The following POLQ variants were observed in gnomAD, a reference collection of about 807,000 sequenced individuals.
POLQ encodes the protein DNA polymerase theta.
In POLQ, 233 loss-of-function variants were observed where a neutral mutation model predicts 259.2. The observed-to-expected ratio is 0.90, with a 90% CI of 0.81 to 1.00. The LOEUF is 1.00. Ranked by LOEUF, POLQ falls within the 50% of genes least tolerant of loss-of-function variation. The probability of loss-of-function intolerance (pLI) is 0.00; values close to 1 mark genes in which losing one functional copy is unlikely to be tolerated. For missense variants in POLQ, 2,871 were observed against 3,051.6 expected (o/e 0.94, Z 1.39); for synonymous variants, 1,025 against 1,048.8 (o/e 0.98, Z 0.44).
chr3:121,516,080 G>A (rs2048292230), intron 9 of POLQ, among the ~76,000 whole-genome samples: 1 of 151,846 alleles, frequency 6.6e-6, no homozygotes, highest in Non-Finnish European at 1.5e-5. Context: ...AAGCAGAAGA[G>A]AGAGAGATTA....
intron 19 of POLQ, among the ~76,000 whole-genome samples, chr3:121,478,727 C>T (rs2047947004): frequency 6.6e-6 from 1 of 151,858 alleles, no homozygotes; most frequent in African/African-American, 2.4e-5. Flanking sequence ...CTGATGTTGC[C>T]ATATTCATAT....
intron 20 of POLQ, 39 bp from the exon 21 acceptor site, chr3:121,473,526 T>G (rs760642773): frequency 6.5e-7 from 1 of 1,539,810 alleles, no homozygotes; most frequent in South Asian, 1.2e-5. Flanking sequence ...AGAATGAAAC[T>G]TGCAAGGATT....
chr3:121,456,592 GACAA>G (rs1420752949), intron 25 of POLQ, among the ~76,000 whole-genome samples: 5 of 151,750 alleles, frequency 3.3e-5, no homozygotes, highest in African/African-American at 9.7e-5. Context: ...ACCAATAACA[GACAA>G]ACAGAGAGCC....
chr3:121,449,666 G>A (rs1432860608), intron 25 of POLQ, among the ~76,000 whole-genome samples: 1 of 152,172 alleles, frequency 6.6e-6, no homozygotes, highest in East Asian at 1.9e-4. Flanking sequence ...GAATAGGTAT[G>A]TGTGATCTAA....
chr3:121,539,644 A>G, intron 3 of POLQ, 55 bp from the exon 4 acceptor site: 1 of 1,349,218 alleles, frequency 7.4e-7, no homozygotes, highest in African/African-American at 1.4e-5. Context: ...TTCAAGAGTT[A>G]TAAACTGGTT....
intron 9 of POLQ, among the ~76,000 whole-genome samples, chr3:121,514,415 A>G (rs1196576655): frequency 6.6e-6 from 1 of 151,912 alleles, no homozygotes; most frequent in Non-Finnish European, 1.5e-5. Flanking sequence ...ACTTATGCAT[A>G]GACCACAAAA....
chr3:121,524,283 T>C (rs2048357736), intron 7 of POLQ, among the ~76,000 whole-genome samples: 1 of 152,188 alleles, frequency 6.6e-6, no homozygotes, highest in Admixed American at 6.5e-5. Context: ...GCCTAGCCAA[T>C]ATAAACTTCA....
intron 25 of POLQ, among the ~76,000 whole-genome samples, chr3:121,456,166 T>C (rs1271222742): frequency 6.6e-6 from 1 of 152,178 alleles, no homozygotes; most frequent in Non-Finnish European, 1.5e-5. Flanking sequence ...GTAAAGGCCT[T>C]TGGCAAAATT....
chr3:121,538,585 C>CAA (rs34448538), intron 4 of POLQ, among the ~76,000 whole-genome samples: 8 of 97,034 alleles, frequency 8.2e-5, no homozygotes, highest in Admixed American at 2.2e-4. Context: ...ATTCATTCAC[C>CAA]AAAAAAAAAA....
intron 14 of POLQ, among the ~76,000 whole-genome samples, 153 bp downstream of exon 14, chr3:121,496,655 T>C (rs567728325): frequency 6.6e-6 from 1 of 152,326 alleles, no homozygotes; most frequent in East Asian, 1.9e-4. Flanking sequence ...TGAGGAGCCA[T>C]AGTTTTGAAT....
chr3:121,465,725 G>A (rs2047829256), intron 24 of POLQ, among the ~76,000 whole-genome samples: 1 of 152,152 alleles, frequency 6.6e-6, no homozygotes. Context: ...TCATGTAAGA[G>A]TGAACTTCAT....
intron 19 of POLQ, among the ~76,000 whole-genome samples, chr3:121,481,167 G>T (rs2047967349): frequency 6.6e-6 from 1 of 152,120 alleles, no homozygotes; most frequent in South Asian, 2.1e-4. Flanking sequence ...GTCTTCTAAG[G>T]GTGAATAAAA....
chr3:121,437,260 G>C (rs1014698858), intron 27 of POLQ, among the ~76,000 whole-genome samples: 1 of 151,984 alleles, frequency 6.6e-6, no homozygotes, highest in African/African-American at 2.4e-5. Context: ...CTAATGAGTG[G>C]GAGAAAAGGC....
intron 12 of POLQ, among the ~76,000 whole-genome samples, chr3:121,507,803 G>C (rs1038316130): frequency 6.6e-6 from 1 of 152,062 alleles, no homozygotes; most frequent in Non-Finnish European, 1.5e-5. Flanking sequence ...TTTCCTCCCT[G>C]TCTAAATTCC....
intron 9 of POLQ, among the ~76,000 whole-genome samples, chr3:121,516,755 A>G (rs1029155034): frequency 1.3e-5 from 2 of 152,216 alleles, no homozygotes; most frequent in African/African-American, 4.8e-5. Flanking sequence ...AGAATTTCCA[A>G]TGATGCTACA....
chr3:121,518,864 A>C (rs2048316948), intron 9 of POLQ, among the ~76,000 whole-genome samples: 1 of 152,062 alleles, frequency 6.6e-6, no homozygotes, highest in African/African-American at 2.4e-5. Context: ...TGTTCCTCCC[A>C]AGGTTCTTCA....
chr3:121,540,389 C>G (rs2048481900), intron 3 of POLQ, among the ~76,000 whole-genome samples: 1 of 152,162 alleles, frequency 6.6e-6, no homozygotes, highest in Non-Finnish European at 1.5e-5. Context: ...GACTAGAACC[C>G]ACATTTCTTT....
chr3:121,448,540 T>C (rs1170128508), intron 26 of POLQ, among the ~76,000 whole-genome samples: 2 of 151,862 alleles, frequency 1.3e-5, no homozygotes, highest in Non-Finnish European at 2.9e-5. Flanking sequence ...GTAATTTTTG[T>C]ATTTTTAGTA....
At chr3:121,528,842 C>G (rs1165379793) in intron 7 of POLQ, among the ~76,000 whole-genome samples, 1 of 151,950 alleles carries the variant, frequency 6.6e-6, no homozygotes, top group Non-Finnish European at 1.5e-5. Flanking sequence ...ATCCCAGCTA[C>G]TGGGGAGGCT....
Sources: allele counts gnomAD v4.1 joint callset (sites outside exome capture counted in the v4.1 genomes callset), GRCh38; gene constraint gnomAD v4.1.1; transcripts MANE v1.5; gene names NCBI Gene and HGNC (gene_info 2026-07-23, HGNC 2026-07-21).